Variants in NCALD observed in about 807,000 individuals in gnomAD.
The protein encoded by NCALD is neurocalcin delta, also known as neurocalcin-delta.
A neutral mutation model predicts 18.6 loss-of-function variants in NCALD; 10 were observed. That is an observed-to-expected ratio of 0.54 (90% confidence interval 0.33 to 0.91). The LOEUF is 0.91. NCALD is among the 40% of genes least tolerant of loss of function. The pLI is 0.03. For missense variants in NCALD, 184 were observed against 247.6 expected (o/e 0.74, Z 1.72); for synonymous variants, 88 against 87.4 (o/e 1.01, Z -0.04).
chr8:101,905,692 G>A (rs1817589492), intron 3 of NCALD, among the ~76,000 whole-genome samples: 1 of 152,172 alleles, frequency 6.6e-6, no homozygotes, highest in African/African-American at 2.4e-5. Context: ...GATAAAGGAA[G>A]CTTCTGACTG....
intron 1 of NCALD, among the ~76,000 whole-genome samples, chr8:102,116,575 C>CG (rs1289463497): frequency 2.0e-5 from 3 of 152,204 alleles, no homozygotes; most frequent in Admixed American, 6.5e-5. Context: ...CTCCACCTCC[C>CG]GGGCCCAAGA....
At chr8:101,968,312 G>GA (rs746692104) in intron 2 of NCALD, among the ~76,000 whole-genome samples, 314 of 145,074 alleles carry the variant, frequency 2.2e-3, no homozygotes, top group Non-Finnish European at 3.6e-3. Context: ...TTTCTTAAAA[G>GA]AAAAAAAAAA....
chr8:102,003,962 C>A (rs1240674348), intron 2 of NCALD, among the ~76,000 whole-genome samples: 1 of 151,822 alleles, frequency 6.6e-6, no homozygotes, highest in African/African-American at 2.4e-5. Flanking sequence ...CCTTTGAAAA[C>A]TGGCACAAGA....
intron 1 of NCALD, among the ~76,000 whole-genome samples, chr8:102,046,016 T>G (rs1408065062): frequency 6.6e-6 from 1 of 152,244 alleles, no homozygotes; most frequent in African/African-American, 2.4e-5. Context: ...TAATTTAGCA[T>G]GTGATAAAAA....
chr8:102,030,779 G>A (rs888410052), intron 1 of NCALD, among the ~76,000 whole-genome samples: 2 of 152,050 alleles, frequency 1.3e-5, no homozygotes, highest in African/African-American at 4.8e-5. Flanking sequence ...GGGAGGCTGA[G>A]GCATGAGAAT....
chr8:102,045,391 A>G (rs2132195130), intron 1 of NCALD, among the ~76,000 whole-genome samples: 1 of 152,360 alleles, frequency 6.6e-6, no homozygotes, highest in South Asian at 2.1e-4. Context: ...TTATGCACCT[A>G]CCATACCGGG....
intron 1 of NCALD, among the ~76,000 whole-genome samples, chr8:102,077,534 A>G (rs1280735856): frequency 6.6e-6 from 1 of 152,170 alleles, no homozygotes; most frequent in Non-Finnish European, 1.5e-5. Context: ...AGAGAGAGAA[A>G]TAATATCCCT....
chr8:101,738,081 T>C (rs967323934), intron 1 of NCALD, among the ~76,000 whole-genome samples: 1 of 152,212 alleles, frequency 6.6e-6, no homozygotes, highest in Non-Finnish European at 1.5e-5. Context: ...GAGAGTCTTC[T>C]TTCTGTATCT....
chr8:101,791,074 G>C (rs1365280718), upstream of NCALD: 1 of 152,202 alleles, frequency 6.6e-6, no homozygotes, highest in East Asian at 1.9e-4. Context: ...AGCAACCACA[G>C]ACCGGCTCTG....
At chr8:101,898,301 C>T (rs1817285456) in intron 3 of NCALD, among the ~76,000 whole-genome samples, 1 of 152,160 alleles carries the variant, frequency 6.6e-6, no homozygotes, top group South Asian at 2.1e-4. Context: ...GGATGCTGAA[C>T]ATCTTTTCAT....
rs184849286 is a variant in NCALD, at chr8:102,098,198, A to T, written c.-210+26039T>A. Among the ~76,000 whole-genome samples the T allele has an allele frequency of 1.7e-3, 245 of 147,394 alleles. 1 individual carries two copies. Among genetic ancestry groups the T allele is most frequent in the African/African-American group, 5.9e-3 (233 of 39,588 alleles). On this transcript the variant is annotated intron_variant, in intron 1 of 6. Transcript: ENST00000311028. ...TGCCCATCCAGATCCCTGGAGACTG[A>T]TCTTCATGTGCTAAATTAACTATGT...
chr8:101,760,465 C>T (rs1293756548), intron 1 of NCALD, among the ~76,000 whole-genome samples: 1 of 152,140 alleles, frequency 6.6e-6, no homozygotes, highest in African/African-American at 2.4e-5. Context: ...TCCATTCATC[C>T]TAAAGTAAAT....
In NCALD at chr8:101,780,035, G is replaced by A. The variant is rs1044114494; in HGVS notation, c.-20+10827C>T. 6 of 151,992 alleles carry A rather than the reference G, an allele frequency of 3.9e-5. No individual in the cohort carries two copies. The East Asian group carries it at 5.8e-4, about 15-fold the overall frequency. 9.4% of individuals were successfully genotyped at this position (151,992 alleles called of 1,614,324 possible). A position where few individuals can be genotyped will look rare whatever the true frequency, so the allele number is the denominator to read the frequency against. ...GCTTTTTAATTTTAAAATATTAGTA[G>A]TTGTTACTTTGGACAGTAAAACATT... is the stretch of plus-strand genomic sequence containing the variant. On this transcript the variant is annotated intron_variant, in intron 1 of 3. Transcript: ENST00000220931.
chr8:102,101,484 A>T (rs1825280926), intron 1 of NCALD, among the ~76,000 whole-genome samples: 1 of 152,232 alleles, frequency 6.6e-6, no homozygotes, highest in Non-Finnish European at 1.5e-5. Context: ...GAGTCCTAAC[A>T]GTATTAGCTT....
intron 4 of NCALD, among the ~76,000 whole-genome samples, chr8:101,851,005 T>C (rs919249458): frequency 1.3e-5 from 2 of 152,208 alleles, no homozygotes; most frequent in Non-Finnish European, 2.9e-5. Flanking sequence ...CTGTGTTTTT[T>C]GTTTTGGTTT....
chr8:101,806,164 A>T (rs1813092995), intron 4 of NCALD, among the ~76,000 whole-genome samples: 1 of 151,984 alleles, frequency 6.6e-6, no homozygotes, highest in African/African-American at 2.4e-5. Context: ...AAAATAGTTT[A>T]ATCAAGTCAT....
chr8:101,764,877 G>A (rs546368786), intron 1 of NCALD, among the ~76,000 whole-genome samples: 11 of 152,274 alleles, frequency 7.2e-5, no homozygotes, highest in African/African-American at 2.4e-4. Context: ...GGCTGTGTCA[G>A]GATTTAAACT....
At chr8:101,966,748 G>A (rs1232729499) in intron 2 of NCALD, among the ~76,000 whole-genome samples, 1 of 152,056 alleles carries the variant, frequency 6.6e-6, no homozygotes, top group Non-Finnish European at 1.5e-5. Flanking sequence ...TCATATTCAG[G>A]AGTCTACCTT....
chr8:102,027,275 T>C (rs1277633194), intron 1 of NCALD, among the ~76,000 whole-genome samples: 2 of 152,376 alleles, frequency 1.3e-5, no homozygotes, highest in East Asian at 3.9e-4. Context: ...CTGCAAATTT[T>C]CCAAATTTTT....
Sources: allele counts gnomAD v4.1 joint callset (sites outside exome capture counted in the v4.1 genomes callset), GRCh38; gene constraint gnomAD v4.1.1; transcripts MANE v1.5; gene names NCBI Gene and HGNC (gene_info 2026-07-23, HGNC 2026-07-21).